The following GLI3 variants were observed in gnomAD, a reference collection of about 807,000 sequenced individuals.
GLI3 encodes the protein transcription activator GLI3.
In GLI3, 20 loss-of-function variants were observed where a neutral mutation model predicts 100.8. The ratio of observed to expected loss-of-function variants is 0.20; its 90% confidence interval spans 0.14 to 0.29. The LOEUF (loss-of-function observed/expected upper bound fraction) is 0.29, where lower values mean the gene tolerates loss of function less well. Among genes scored for constraint, GLI3 ranks in the 10% least tolerant of loss-of-function variants. GLI3 has a pLI of 1.00. For synonymous variants in GLI3, 938 were observed against 860.5 expected (o/e 1.09, Z -1.58); for missense variants, 2,040 against 2,128.5 (o/e 0.96, Z 0.82).
intron 3 of GLI3, among the ~76,000 whole-genome samples, chr7:42,088,465 G>A (rs1785150286): frequency 6.6e-6 from 1 of 152,176 alleles, no homozygotes; most frequent in Admixed American, 6.5e-5. Flanking sequence ...AATTCCAGTT[G>A]GAATGCTGAA....
intron 2 of GLI3, among the ~76,000 whole-genome samples, chr7:42,209,138 T>C (rs1215046708): frequency 6.6e-6 from 1 of 152,144 alleles, no homozygotes; most frequent in Non-Finnish European, 1.5e-5. Context: ...CACTGCAGCC[T>C]TGATCTCCTG....
intron 4 of GLI3, 104 bp downstream of exon 4, chr7:42,076,648 C>T: frequency 1.3e-6 from 1 of 785,712 alleles, no homozygotes. Context: ...ACACTTCTAT[C>T]ACATCTTCAA....
At position 42,150,600 on chromosome 7, in the gene GLI3, G is replaced by T. The variant is rs543128707; in HGVS notation, c.125-2132C>A. 1.3e-3 allele frequency among the ~76,000 whole-genome samples: 193 copies of T among 152,254 alleles called. 1 individual carries two copies. The highest frequency in any genetic ancestry group is 4.5e-3 in the African/African-American group (185 of 41,548). On this transcript the variant is annotated intron_variant, in intron 2 of 14. Coordinates refer to ENST00000395925, the MANE Select transcript of GLI3 (RefSeq NM_000168.6). ...TGTAGAAAGGGACCTTCATTTGGAG[G>T]CCAGAAAACCCTTCCTCAGGGGGGC...
chr7:42,063,709 A>G (rs1001548039), intron 4 of GLI3, among the ~76,000 whole-genome samples: 4 of 152,212 alleles, frequency 2.6e-5, no homozygotes, highest in African/African-American at 9.6e-5. Flanking sequence ...GCCATTCGTC[A>G]AATACCTATG....
At position 42,007,079 on chromosome 7, in the gene GLI3, A is replaced by G. The variant is rs548148851; in HGVS notation, c.1497+16389T>C. On this transcript the variant is annotated intron_variant, in intron 10 of 14. Transcript: ENST00000395925. ...AACAATCTCTCAAAAGGAAACGTTC[A>G]TTCTTAACTCGAAATTCTTGAAGGA... Among the ~76,000 whole-genome samples the G allele has an allele frequency of 5.3e-5, 8 of 152,248 alleles. No homozygotes were observed. In the South Asian group the frequency reaches 1.7e-3, roughly 32 times the overall value.
Position 41,964,514 on chromosome 7 carries a change from G to A in GLI3, c.4559C>T (p.Ser1520Leu), listed in dbSNP as rs1404556956. Reference sequence around the variant, plus strand: ...AATGATACTTGGGCTCAGGGCCCCCGACATCAGGCTGGAGTGGTCCCCATC... The same window carrying A: ...AATGATACTTGGGCTCAGGGCCCCCAACATCAGGCTGGAGTGGTCCCCATC... ...IDDGDHSSLM[S>L]GALSPSIIQN... is the part of the protein sequence containing the mutation. The change falls in exon 15 of 15, where the codon TCG becomes TTG. Residue 1520 changes from serine (S) to leucine (L), a missense_variant. Coordinates refer to ENST00000395925, the MANE Select transcript of GLI3 (RefSeq NM_000168.6). 4 of 1,613,784 alleles carry A rather than the reference G, an allele frequency of 2.5e-6. No individual in the cohort carries two copies. The highest frequency in any genetic ancestry group is 2.2e-5 in the East Asian group (1 of 44,882).
intron 10 of GLI3, among the ~76,000 whole-genome samples, chr7:41,993,877 G>A (rs1321905483): frequency 3.9e-5 from 6 of 152,238 alleles, no homozygotes; most frequent in Non-Finnish European, 8.8e-5. Flanking sequence ...GATGCCTGTA[G>A]GGTCCACCAA....
chr7:41,986,084 C>A (rs1787814113), intron 10 of GLI3, among the ~76,000 whole-genome samples: 1 of 152,078 alleles, frequency 6.6e-6, no homozygotes, highest in South Asian at 2.1e-4. Flanking sequence ...CCAGAAAATA[C>A]CCAGAGGACT....
chr7:42,130,905 G>C (rs1298616821), intron 3 of GLI3, among the ~76,000 whole-genome samples: 2 of 152,120 alleles, frequency 1.3e-5, no homozygotes, highest in Non-Finnish European at 2.9e-5. Context: ...ATCTACAAAG[G>C]AATACAAATC....
intron 2 of GLI3, among the ~76,000 whole-genome samples, chr7:42,218,847 T>C (rs1159930783): frequency 6.6e-6 from 1 of 152,208 alleles, no homozygotes; most frequent in Non-Finnish European, 1.5e-5. Flanking sequence ...TTAGTTTCTT[T>C]TTTAAAGCCG....
chr7:41,966,747 T>C lies in GLI3; in HGVS notation c.2432-106A>G. The C allele has an allele frequency of 2.6e-6, 3 of 1,157,388 alleles. No homozygotes were observed. The highest frequency in any genetic ancestry group is 3.8e-6 in the Non-Finnish European group (3 of 783,672). 71.7% of individuals were successfully genotyped at this position (1,157,388 alleles called of 1,614,324 possible). On this transcript the variant is annotated intron_variant, in intron 14 of 14. Coordinates refer to ENST00000395925, the MANE Select transcript of GLI3 (RefSeq NM_000168.6). The surrounding 1 kb of genome is among the most constrained non-coding windows in gnomAD (Gnocchi z 5.8). ...TCTGTAAAGGGCCAGCTAGGAACTATTTCTGGTGTCCCAGGCCACATTGCC... is the reference window on the plus strand; with the variant it reads ...TCTGTAAAGGGCCAGCTAGGAACTACTTCTGGTGTCCCAGGCCACATTGCC...
chr7:42,030,980 A>G lies in GLI3; in HGVS notation c.1029-4568T>C, dbSNP rs142368408. On this transcript the variant is annotated intron_variant, in intron 7 of 14. Coordinates refer to ENST00000395925, the MANE Select transcript of GLI3 (RefSeq NM_000168.6). ...GTGATCCGGCCGCCTCGGCCTCCCAAGGTGCTGGGATTACAGGCATGAGCC... is the reference window on the plus strand; with the variant it reads ...GTGATCCGGCCGCCTCGGCCTCCCAGGGTGCTGGGATTACAGGCATGAGCC... Among the ~76,000 whole-genome samples, 486 of 151,338 alleles carry G rather than the reference A, an allele frequency of 3.2e-3. 3 individuals are homozygous for G. The highest frequency in any genetic ancestry group is 0.011 in the African/African-American group (468 of 40,986).
At chr7:42,084,097 T>A (rs1785051978) in intron 3 of GLI3, among the ~76,000 whole-genome samples, 1 of 152,218 alleles carries the variant, frequency 6.6e-6, no homozygotes, top group African/African-American at 2.4e-5. Flanking sequence ...ACTACTCAAA[T>A]AACAAGCTTT....
chr7:42,004,794 A>G (rs1788403504), intron 10 of GLI3, among the ~76,000 whole-genome samples: 2 of 152,230 alleles, frequency 1.3e-5, no homozygotes, highest in South Asian at 4.1e-4. Context: ...TGGATTTTAG[A>G]GAATGATATT....
intron 4 of GLI3, among the ~76,000 whole-genome samples, chr7:42,066,303 C>A (rs967204554): frequency 2.0e-5 from 3 of 152,094 alleles, no homozygotes; most frequent in Non-Finnish European, 4.4e-5. Flanking sequence ...CCAATACACT[C>A]GGGGGAAGGG....
At chr7:42,246,627 C>T (rs1237366895) in intron 1 of GLI3, among the ~76,000 whole-genome samples, 1 of 151,738 alleles carries the variant, frequency 6.6e-6, no homozygotes, top group Non-Finnish European at 1.5e-5. Context: ...CAAAACAAAA[C>T]AAAACAAAAC....
Position 41,964,871 on chromosome 7 carries a change from C to T in GLI3, c.4202G>A (p.Ser1401Asn), listed in dbSNP as rs780442354. The T allele has an allele frequency of 2.5e-6, 4 of 1,613,904 alleles. No individual in the cohort carries two copies. The South Asian group carries it at 4.4e-5, about 18-fold the overall frequency. Residue 1401 changes from serine to asparagine, a missense_variant, in exon 15 of 15, where the codon AGC becomes AAC. Transcript: ENST00000395925. Reference protein sequence around the residue: ...GSRRQAMPRDSLALQSGQLSD... With the variant: ...GSRRQAMPRDNLALQSGQLSD... ...GAGCTGTCCTGACTGCAGAGCAAGG[C>T]TGTCCCTCGGCATAGCCTGGCGCCT...
intron 3 of GLI3, among the ~76,000 whole-genome samples, chr7:42,126,299 C>T (rs998427568): frequency 2.0e-5 from 3 of 152,228 alleles, no homozygotes; most frequent in African/African-American, 7.2e-5. Flanking sequence ...TATTCTGTCA[C>T]ACAAGTCTGT....
intron 2 of GLI3, among the ~76,000 whole-genome samples, chr7:42,206,635 A>G (rs1383507896): frequency 6.6e-6 from 1 of 152,240 alleles, no homozygotes; most frequent in Non-Finnish European, 1.5e-5. Flanking sequence ...ATCGAATAGA[A>G]GCCAAGAGCC....
Sources: gnomAD v4.1 joint callset for allele counts (sites outside exome capture counted in the v4.1 genomes callset) on GRCh38, gnomAD v4.1.1 for gene constraint, Gnocchi (gnomAD v3.1) non-coding constraint, MANE v1.5 for transcripts, NCBI Gene and HGNC (gene_info 2026-07-23, HGNC 2026-07-21) for gene names.